SLC44A5: variants seen among roughly 807,000 people sequenced by gnomAD.
The protein encoded by SLC44A5 is solute carrier family 44 member 5.
A neutral mutation model predicts 101.8 loss-of-function variants in SLC44A5; 57 were observed. The observed-to-expected ratio is 0.56, with a 90% CI of 0.45 to 0.70. SLC44A5 has a LOEUF of 0.70. SLC44A5 is among the 30% of genes least tolerant of loss of function. The pLI, the probability that SLC44A5 is intolerant of heterozygous loss-of-function variation, is 0.00. For missense variants in SLC44A5, 737 were observed against 853.1 expected (o/e 0.86, Z 1.70); for synonymous variants, 281 against 290.9 (o/e 0.97, Z 0.35).
chr1:75,609,517 G>A (rs1675528300), intron 1 of SLC44A5, among the ~76,000 whole-genome samples: 1 of 151,970 alleles, frequency 6.6e-6, no homozygotes, highest in Non-Finnish European at 1.5e-5. Context: ...ATCTTGTGCT[G>A]TTGGGAGATT....
chr1:75,326,095 C>CGTGTGT (rs58294702), intron 4 of SLC44A5, among the ~76,000 whole-genome samples: 3 of 140,310 alleles, frequency 2.1e-5, no homozygotes, highest in Non-Finnish European at 3.1e-5. Flanking sequence ...TCTCTCTCTC[C>CGTGTGT]GTGTGTGTGT....
chr1:75,596,064 C>A (rs1674612883), intron 1 of SLC44A5, among the ~76,000 whole-genome samples: 1 of 152,040 alleles, frequency 6.6e-6, no homozygotes, highest in South Asian at 2.1e-4. Flanking sequence ...TTCTAATAAC[C>A]AATTGGTACA....
At chr1:75,619,703 C>A in the SLC44A5 span, among the ~76,000 whole-genome samples, 44 of 152,194 alleles carry the variant, frequency 2.9e-4, no homozygotes, top group Admixed American at 1.2e-3. Flanking sequence ...TGAACCAAAT[C>A]CTTGAGTATG....
Position 75,325,407 on chromosome 1 carries a change from G to A in SLC44A5, c.101+14175C>T, listed in dbSNP as rs151338182. On this transcript the variant is annotated intron_variant, in intron 4 of 23. Transcript: ENST00000370859. ...GGTTAAAAAAACACAATTATAGCAT[G>A]TTATTATTTATATGAAAAAAGGGAG... is the stretch of plus-strand genomic sequence containing the variant. Among the ~76,000 whole-genome samples the A allele has an allele frequency of 6.0e-3, 918 of 152,102 alleles. 17 individuals carry two copies. The highest frequency in any genetic ancestry group is 0.021 in the African/African-American group (887 of 41,504).
chr1:75,464,698 T>C (rs1666716241), intron 2 of SLC44A5, among the ~76,000 whole-genome samples: 1 of 152,112 alleles, frequency 6.6e-6, no homozygotes, highest in Non-Finnish European at 1.5e-5. Context: ...AGATATCCCA[T>C]GCTATTGGAA....
At chr1:75,646,104 T>TG in the SLC44A5 span, among the ~76,000 whole-genome samples, 2 of 135,244 alleles carry the variant, frequency 1.5e-5, 1 homozygote, top group Non-Finnish European at 3.3e-5. Flanking sequence ...AGGATTGACT[T>TG]GGCAATATGG....
chr1:75,591,444 G>A (rs1033391583), intron 1 of SLC44A5, among the ~76,000 whole-genome samples: 1 of 151,918 alleles, frequency 6.6e-6, no homozygotes, highest in African/African-American at 2.4e-5. Context: ...ATATGCTGTT[G>A]GATTTGATTA....
At chr1:75,528,209 T>C (rs542615126) in intron 2 of SLC44A5, among the ~76,000 whole-genome samples, 1 of 152,290 alleles carries the variant, frequency 6.6e-6, no homozygotes, top group South Asian at 2.1e-4. Context: ...ACTAGAAACA[T>C]AATTACTTCT....
chr1:75,227,527 G>C (rs1647233252), intron 13 of SLC44A5, among the ~76,000 whole-genome samples, 199 bp downstream of exon 13: 1 of 152,090 alleles, frequency 6.6e-6, no homozygotes, highest in African/African-American at 2.4e-5. Flanking sequence ...TTGTAAGGTA[G>C]CATTTTCTTA....
At chr1:75,237,941 T>C (rs903478442) in intron 10 of SLC44A5, among the ~76,000 whole-genome samples, 2 of 152,010 alleles carry the variant, frequency 1.3e-5, no homozygotes, top group Admixed American at 1.3e-4. Context: ...TTTGTGCACA[T>C]GTGTGTATGC....
intron 1 of SLC44A5, among the ~76,000 whole-genome samples, chr1:75,605,062 T>G (rs1170675481): frequency 6.6e-6 from 1 of 152,046 alleles, no homozygotes; most frequent in Non-Finnish European, 1.5e-5. Context: ...CATCCTTGTC[T>G]TGTTCCAGTT....
chr1:75,551,125 C>T (rs934468108), intron 1 of SLC44A5, among the ~76,000 whole-genome samples: 7 of 152,150 alleles, frequency 4.6e-5, no homozygotes, highest in Middle Eastern at 3.4e-3. Context: ...ATTCCGTATG[C>T]TGATTCTCTG....
chr1:75,527,622 A>G (rs962821406), intron 2 of SLC44A5, among the ~76,000 whole-genome samples: 2 of 152,094 alleles, frequency 1.3e-5, no homozygotes, highest in African/African-American at 4.8e-5. Context: ...TTTACCACCT[A>G]TTGATTGGCA....
intron 5 of SLC44A5, among the ~76,000 whole-genome samples, chr1:75,296,381 T>C (rs902251700): frequency 1.6e-5 from 2 of 121,854 alleles, no homozygotes; most frequent in African/African-American, 3.1e-5. Context: ...TTTTTTTTTT[T>C]AATATTCCCT....
chr1:75,483,742 A>G (rs1668000704), intron 2 of SLC44A5, among the ~76,000 whole-genome samples: 1 of 152,204 alleles, frequency 6.6e-6, no homozygotes, highest in Non-Finnish European at 1.5e-5. Context: ...CCATTTTCAT[A>G]CTGCTATAAA....
the SLC44A5 span, among the ~76,000 whole-genome samples, chr1:75,677,225 T>C: frequency 3.9e-5 from 6 of 152,328 alleles, no homozygotes; most frequent in African/African-American, 1.4e-4. Context: ...GTAATTGTGA[T>C]ATGTAAACTA....
chr1:75,648,809 T>TGTCCTTGGA, the SLC44A5 span, among the ~76,000 whole-genome samples: 1 of 151,586 alleles, frequency 6.6e-6, no homozygotes, highest in Admixed American at 6.6e-5. Flanking sequence ...AAACTTAACA[T>TGTCCTTGGA]TATGAGCATG....
At chr1:75,668,565 G>T in the SLC44A5 span, among the ~76,000 whole-genome samples, 4 of 151,012 alleles carry the variant, frequency 2.6e-5, no homozygotes, top group Admixed American at 1.3e-4. Flanking sequence ...CAAGTGATCT[G>T]CCTGCCTTGG....
Position 75,247,756 on chromosome 1 carries a change from G to GTT in SLC44A5, c.345+3452_345+3453dup, listed in dbSNP as rs544655476. On this transcript the variant is annotated intron_variant, in intron 7 of 23. Coordinates refer to ENST00000370859, the MANE Select transcript of SLC44A5 (RefSeq NM_001130058.2). The stretch of plus-strand genomic sequence containing the variant: ...GAGGTGGGATTGATTAAATACTGTT[G>GTT]TTAGATCAAGTAAATGTGGATTTAA... 3.3e-4 allele frequency among the ~76,000 whole-genome samples: 50 copies of GTT among 152,138 alleles called. 1 individual carries two copies. The East Asian group carries it at 9.7e-3, about 30-fold the overall frequency.
Sources: allele counts gnomAD v4.1 joint callset (sites outside exome capture counted in the v4.1 genomes callset), GRCh38; gene constraint gnomAD v4.1.1; transcripts MANE v1.5; gene names NCBI Gene and HGNC (gene_info 2026-07-23, HGNC 2026-07-21).